Variants in MAP2K5 observed in about 807,000 individuals in gnomAD.
MAP2K5 encodes the protein dual specificity mitogen-activated protein kinase kinase 5.
A neutral mutation model predicts 83.1 loss-of-function variants in MAP2K5; 49 were observed. That is an observed-to-expected ratio of 0.59 (90% CI 0.47 to 0.75). MAP2K5 has a LOEUF of 0.75. Ranked by LOEUF, MAP2K5 falls within the 30% of genes least tolerant of loss-of-function variation. The pLI is 0.00. For synonymous variants in MAP2K5, 202 were observed against 191.8 expected (o/e 1.05, Z -0.44); for missense variants, 457 against 557.5 (o/e 0.82, Z 1.82).
chr15:67,765,156 G>A (rs1341422611), intron 19 of MAP2K5, among the ~76,000 whole-genome samples: 1 of 152,090 alleles, frequency 6.6e-6, no homozygotes, highest in Non-Finnish European at 1.5e-5. Context: ...GTCAAGAGAT[G>A]GGGATCATTC....
rs138477251 is a variant in MAP2K5 at position 67,555,097 on chromosome 15, G to A, written c.184+5015G>A. On this transcript the variant is annotated intron_variant, in intron 2 of 21. Transcript: ENST00000178640. The surrounding 1 kb of genome is among the most constrained non-coding windows in gnomAD (Gnocchi z 5.2). ...GTCTGCAGAACTCACCTTTTGGGCTGATGGTCCTAAACCTTGTTTTCTTAT... is the reference window on the plus strand; with the variant it reads ...GTCTGCAGAACTCACCTTTTGGGCTAATGGTCCTAAACCTTGTTTTCTTAT... Among the ~76,000 whole-genome samples, 670 of 152,306 alleles carry A rather than the reference G, an allele frequency of 4.4e-3. 6 individuals carry two copies. The highest frequency in any genetic ancestry group is 0.015 in the African/African-American group (637 of 41,556).
chr15:67,660,283 T>G (rs575336888), intron 12 of MAP2K5, among the ~76,000 whole-genome samples: 6 of 103,976 alleles, frequency 5.8e-5, no homozygotes, highest in East Asian at 6.6e-4. Flanking sequence ...CAAAATGTAG[T>G]GTTTTTTTTG....
At chr15:67,735,869 C>T (rs1307030282) in intron 17 of MAP2K5, among the ~76,000 whole-genome samples, 1 of 152,166 alleles carries the variant, frequency 6.6e-6, no homozygotes, top group East Asian at 1.9e-4. Context: ...TTGCTATTAT[C>T]TCTCCCTCCT....
rs1422601449 is a variant in MAP2K5, at chr15:67,644,348, C to T, written c.586-1883C>T. Among the ~76,000 whole-genome samples the T allele has an allele frequency of 6.6e-6, 1 of 152,166 alleles. No homozygotes were observed. The highest frequency in any genetic ancestry group is 6.5e-5 in the Admixed American group (1 of 15,286). ...GGCGGAGGTTGCAGTGAGCCAAGAT[C>T]GCGCCACTACACTCCAGCCTGGGTG... On this transcript the variant is annotated intron_variant, in intron 9 of 21. Coordinates refer to ENST00000178640, the MANE Select transcript of MAP2K5 (RefSeq NM_145160.3). This position sits in a 1 kb window ranked among gnomAD's most constrained non-coding sequence, Gnocchi z 4.6.
Position 67,794,091 on chromosome 15 carries a change from G to A in MAP2K5, c.1243-12555G>A, listed in dbSNP as rs1338522864. Reference sequence around the variant, plus strand: ...TGAGGCTCTGCAGTGAAGGTGGCCAGCTTATTTGTAACCAAAGTGTGCTCC... The same window carrying A: ...TGAGGCTCTGCAGTGAAGGTGGCCAACTTATTTGTAACCAAAGTGTGCTCC... On this transcript the variant is annotated intron_variant, in intron 21 of 21. Transcript: ENST00000178640. The surrounding 1 kb of genome is among the most constrained non-coding windows in gnomAD (Gnocchi z 4.6). Among the ~76,000 whole-genome samples the A allele has an allele frequency of 6.6e-6, 1 of 152,224 alleles. No individual in the cohort carries two copies. Among genetic ancestry groups the A allele is most frequent in the African/African-American group, 2.4e-5 (1 of 41,462 alleles).
intron 9 of MAP2K5, among the ~76,000 whole-genome samples, chr15:67,643,874 A>G (rs2086773561): frequency 6.6e-6 from 1 of 152,104 alleles, no homozygotes; most frequent in African/African-American, 2.4e-5. Context: ...TCCTTGCTCT[A>G]TTAGCAGTTT....
chr15:67,763,079 G>A (rs2089980022), intron 19 of MAP2K5, among the ~76,000 whole-genome samples: 1 of 152,098 alleles, frequency 6.6e-6, no homozygotes, highest in South Asian at 2.1e-4. Context: ...GGAGTAGGAT[G>A]AGTAAAAGGC....
chr15:67,769,995 A>C lies in MAP2K5; in HGVS notation c.1196+332A>C, dbSNP rs1235879499. 9 of 189,246 alleles carry C rather than the reference A, an allele frequency of 4.8e-5. No homozygotes were observed. The highest frequency in any genetic ancestry group is 8.6e-5 in the Non-Finnish European group (8 of 92,532). 11.7% of individuals were successfully genotyped at this position (189,246 alleles called of 1,614,324 possible). ...ATAGCCCCTACTGAACGGACGTACGAAGCTTATTTTTATTAATGTAACCTC... is the reference window on the plus strand; with the variant it reads ...ATAGCCCCTACTGAACGGACGTACGCAGCTTATTTTTATTAATGTAACCTC... On this transcript the variant is annotated intron_variant, in intron 20 of 21. Transcript: ENST00000178640. This position sits in a 1 kb window ranked among gnomAD's most constrained non-coding sequence, Gnocchi z 5.2.
At chr15:67,648,642 G>A (rs1445075698) in intron 11 of MAP2K5, among the ~76,000 whole-genome samples, 2 of 148,184 alleles carry the variant, frequency 1.3e-5, no homozygotes, top group Non-Finnish European at 3.0e-5. Context: ...GGGTGATCTC[G>A]GCTCACTGCA....
At position 67,720,212 on chromosome 15, in the gene MAP2K5, A is replaced by G. The variant is rs756820509; in HGVS notation, c.1045-7704A>G. 6.6e-6 allele frequency among the ~76,000 whole-genome samples: 1 copy of G among 152,194 alleles called. No individual in the cohort carries two copies. The highest frequency in any genetic ancestry group is 1.5e-5 in the Non-Finnish European group (1 of 68,034). On this transcript the variant is annotated intron_variant, in intron 16 of 21. Transcript: ENST00000178640. The surrounding 1 kb of genome is among the most constrained non-coding windows in gnomAD (Gnocchi z 5.7). ...GCTAGGGTTTTTGGTTTAATGTAGT[A>G]TAGACAGATTAATATACACATACAC... is the stretch of plus-strand genomic sequence containing the variant.
At chr15:67,696,284 C>T (rs1310095672) in intron 15 of MAP2K5, among the ~76,000 whole-genome samples, 1 of 152,136 alleles carries the variant, frequency 6.6e-6, no homozygotes, top group African/African-American at 2.4e-5. Flanking sequence ...CTCTTCCAAG[C>T]TCTTACTGCC....
rs553143593 is a variant in MAP2K5, at chr15:67,801,314, G to A, written c.1243-5332G>A. Among the ~76,000 whole-genome samples, 5 of 152,298 alleles carry A rather than the reference G, an allele frequency of 3.3e-5. No homozygotes were observed. The highest frequency in any genetic ancestry group is 3.3e-4 in the Admixed American group (5 of 15,306). On this transcript the variant is annotated intron_variant, in intron 21 of 21. Transcript: ENST00000178640. This position sits in a 1 kb window ranked among gnomAD's most constrained non-coding sequence, Gnocchi z 4.8. ...TACAGGGCAGTCACCTGATCACAGG[G>A]CTGCCCTGTCCCAACAGCAGCTTGT...
chr15:67,800,807 T>C (rs565135083), intron 21 of MAP2K5, among the ~76,000 whole-genome samples: 6 of 152,242 alleles, frequency 3.9e-5, no homozygotes, highest in Admixed American at 3.9e-4. Flanking sequence ...GTGGACGTCT[T>C]TTTTCAAATG....
chr15:67,769,623 G>A lies in MAP2K5; in HGVS notation c.1156G>A (p.Gly386Arg). The A allele has an allele frequency of 6.2e-7, 1 of 1,613,766 alleles. No homozygotes were observed. Among genetic ancestry groups the A allele is most frequent in the Non-Finnish European group, 8.5e-7 (1 of 1,179,770 alleles). ...VDEDSPVLPV[G>R]EFSEPFVHFI... ...ACAGGATTCGCCCGTCCTTCCAGTT[G>A]GAGAGTTCTCGGAGCCATTTGTACA... The change falls in exon 20 of 22, where the codon GGA (glycine) becomes AGA (arginine). Residue 386 changes from glycine to arginine, a missense_variant. Transcript: ENST00000178640. This position sits in a 1 kb window ranked among gnomAD's most constrained non-coding sequence, Gnocchi z 5.2.
rs2084336410 is a variant in MAP2K5, at chr15:67,543,485, C to G, written c.135+15C>G. 1.2e-6 allele frequency: 2 copies of G among 1,613,952 alleles called. No individual in the cohort carries two copies. The highest frequency in any genetic ancestry group is 2.7e-5 in the African/African-American group (2 of 75,034). On this transcript the variant is annotated intron_variant, in intron 1 of 21. Coordinates refer to ENST00000178640, the MANE Select transcript of MAP2K5 (RefSeq NM_145160.3). The surrounding 1 kb of genome is among the most constrained non-coding windows in gnomAD (Gnocchi z 4.3). Reference sequence around the variant, plus strand: ...GGGATGTGCTGGTGAGTGGTAATCTCAGTGTCCGGATGCCAGCAAGGGGGA... The same window carrying G: ...GGGATGTGCTGGTGAGTGGTAATCTGAGTGTCCGGATGCCAGCAAGGGGGA...
rs563131802 is a variant in MAP2K5, at chr15:67,719,764, C to T, written c.1045-8152C>T. Among the ~76,000 whole-genome samples, 1 of 152,290 alleles carries T rather than the reference C, an allele frequency of 6.6e-6. No individual in the cohort carries two copies. Among genetic ancestry groups the T allele is most frequent in the Admixed American group, 6.5e-5 (1 of 15,286 alleles). ...TCTCAGATTCCAGATAGGAAAACTG[C>T]CCTCAGTGTTGCATTTTGAGCTATG... On this transcript the variant is annotated intron_variant, in intron 16 of 21. Coordinates refer to ENST00000178640, the MANE Select transcript of MAP2K5 (RefSeq NM_145160.3). This position sits in a 1 kb window ranked among gnomAD's most constrained non-coding sequence, Gnocchi z 4.6.
chr15:67,673,456 T>C (rs1041332476), intron 13 of MAP2K5, among the ~76,000 whole-genome samples: 1 of 152,192 alleles, frequency 6.6e-6, no homozygotes, highest in Non-Finnish European at 1.5e-5. Flanking sequence ...TCCAAAATTA[T>C]TTTGTTATAT....
At chr15:67,791,553 A>C (rs1392840878) in intron 21 of MAP2K5, among the ~76,000 whole-genome samples, 3 of 152,228 alleles carry the variant, frequency 2.0e-5, no homozygotes, top group Admixed American at 6.5e-5. Flanking sequence ...CACCTGGCAC[A>C]GGGTAAGTGC....
At chr15:67,625,500 A>G (rs1245805484) in intron 8 of MAP2K5, among the ~76,000 whole-genome samples, 3 of 152,370 alleles carry the variant, frequency 2.0e-5, no homozygotes, top group South Asian at 2.1e-4. Context: ...GCAGAGGTGT[A>G]TAGTTGTCTT....
Sources: allele counts gnomAD v4.1 joint callset (sites outside exome capture counted in the v4.1 genomes callset), GRCh38; gene constraint gnomAD v4.1.1; non-coding constraint Gnocchi (gnomAD v3.1); transcripts MANE v1.5; gene names NCBI Gene and HGNC (gene_info 2026-07-23, HGNC 2026-07-21).